ZNF638: variants seen among roughly 807,000 people sequenced by gnomAD.
ZNF638 encodes zinc finger protein 638, also known as CTCL tumor antigen se33-1.
A neutral mutation model predicts 195.6 loss-of-function variants in ZNF638; 46 were observed. The observed-to-expected ratio is 0.24, with a 90% confidence interval of 0.19 to 0.30. The LOEUF is 0.30. Among genes scored for constraint, ZNF638 ranks in the 10% least tolerant of loss-of-function variants. ZNF638 has a pLI of 1.00. For missense variants in ZNF638, 2,440 were observed against 2,325.3 expected, an observed-to-expected ratio of 1.05 and a Z score of -1.01; for synonymous variants, 845 against 772.0, an observed-to-expected ratio of 1.09 and a Z score of -1.57.
intron 8 of ZNF638, 67 bp downstream of exon 8, chr2:71,370,072 T>C: frequency 6.6e-7 from 1 of 1,511,474 alleles, no homozygotes; most frequent in Non-Finnish European, 9.0e-7. Flanking sequence ...TGTTTAAGTA[T>C]GGCACACATA....
chr2:71,356,294 G>T (rs1178557283), intron 3 of ZNF638, among the ~76,000 whole-genome samples: 1 of 152,122 alleles, frequency 6.6e-6, no homozygotes, highest in Non-Finnish European at 1.5e-5. Flanking sequence ...TAAAGACAGG[G>T]CACCTGTGAA....
intron 3 of ZNF638, 128 bp from the exon 4 acceptor site, chr2:71,363,025 A>T: frequency 1.3e-6 from 1 of 743,366 alleles, no homozygotes. Flanking sequence ...TTATTGAATT[A>T]AACTCTCAAA....
At chr2:71,384,619 G>A (rs1281561235) in intron 10 of ZNF638, among the ~76,000 whole-genome samples, 1 of 152,162 alleles carries the variant, frequency 6.6e-6, no homozygotes, top group Admixed American at 6.5e-5. Context: ...TTCTTTTGGG[G>A]AGAGTTGGAG....
rs1211906724 is a variant in ZNF638, at chr2:71,423,311, A to G, written c.3797A>G (p.Glu1266Gly). ...ATGGTAGAAGCTGTAGCTGAAGTAG[A>G]AAAAAATGAAACTGTTTCGGAAATA... ...QTMVEAVAEVEKNETVSEILP... is the reference protein window; with the variant it reads ...QTMVEAVAEVGKNETVSEILP... The change falls in exon 22 of 28, where the codon GAA becomes GGA. Residue 1266 changes from glutamate (E) to glycine (G), a missense_variant. By Grantham distance (98) the Glu-to-Gly change is moderately conservative. Transcript: ENST00000264447. 6.2e-7 allele frequency: 1 copy of G among 1,613,902 alleles called. No homozygotes were observed. The highest frequency in any genetic ancestry group is 8.5e-7 in the Non-Finnish European group (1 of 1,179,966).
intron 1 of ZNF638, among the ~76,000 whole-genome samples, chr2:71,332,605 T>C (rs2078592258): frequency 6.6e-6 from 1 of 152,200 alleles, no homozygotes. Context: ...AACAGAACGT[T>C]AGTGAATTGT....
At chr2:71,405,797 A>G (rs2080094253) in intron 18 of ZNF638, among the ~76,000 whole-genome samples, 155 bp downstream of exon 18, 2 of 152,224 alleles carry the variant, frequency 1.3e-5, no homozygotes, top group Non-Finnish European at 2.9e-5. Context: ...CAATAAAAAA[A>G]TAAAGGTTTC....
In ZNF638 at chr2:71,419,962, AC is replaced by A. The variant is rs11374629; in HGVS notation, c.3299+1332del. On this transcript the variant is annotated intron_variant, in intron 21 of 27. Coordinates refer to ENST00000264447, the MANE Select transcript of ZNF638 (RefSeq NM_014497.5). ...TAGCACCAAAAACTTCTTAATTCCC[AC>A]CCCCCCCCGCCTTTTTTTTTTTTTT... Among the ~76,000 whole-genome samples, 31 of 28,514 alleles carry A rather than the reference AC, an allele frequency of 1.1e-3. 3 individuals carry two copies. Among genetic ancestry groups the A allele is most frequent in the African/African-American group, 1.7e-3 (12 of 7,118 alleles). The allele number at this position is 28,514 out of a possible 152,430, so 18.7% of individuals were successfully genotyped here.
At chr2:71,432,102 G>T (rs890966672) in intron 26 of ZNF638, among the ~76,000 whole-genome samples, 3 of 152,202 alleles carry the variant, frequency 2.0e-5, no homozygotes, top group Non-Finnish European at 4.4e-5. Context: ...TGAGCTGAGG[G>T]AGACCTTATT....
At chr2:71,422,251 T>C (rs915041866) in intron 21 of ZNF638, among the ~76,000 whole-genome samples, 5 of 152,088 alleles carry the variant, frequency 3.3e-5, no homozygotes, top group Non-Finnish European at 7.4e-5. Context: ...CTAAGTATTA[T>C]CATTAATAAA....
At chr2:71,428,861 G>C (rs773440118) in intron 25 of ZNF638, 4 of 394,316 alleles carry the variant, frequency 1.0e-5, no homozygotes, top group Non-Finnish European at 1.8e-5. Flanking sequence ...ACAGATTAGA[G>C]GAAATGATCC....
intron 1 of ZNF638, chr2:71,334,391 A>G (rs1306994112): frequency 1.3e-5 from 2 of 152,216 alleles, no homozygotes; most frequent in Admixed American, 6.5e-5. Context: ...GCTGCCATGT[A>G]GTGGTTTTAG....
At position 71,404,014 on chromosome 2, in the gene ZNF638, AT is replaced by A. The variant is rs766270836; in HGVS notation, c.2958+21del. The stretch of plus-strand genomic sequence containing the variant: ...AAAAGATGAGGTAAATCAGACCACC[AT>A]TTTTACTAGCTCTTACTAAGTTTTT... On this transcript the variant is annotated intron_variant, in intron 17 of 27. Coordinates refer to ENST00000264447, the MANE Select transcript of ZNF638 (RefSeq NM_014497.5). 8.8e-6 allele frequency: 14 copies of A among 1,593,998 alleles called. No homozygotes were observed. The East Asian group carries it at 1.1e-4, about 13-fold the overall frequency.
intron 23 of ZNF638, among the ~76,000 whole-genome samples, chr2:71,425,428 A>T (rs999881705): frequency 6.6e-6 from 1 of 152,148 alleles, no homozygotes; most frequent in Non-Finnish European, 1.5e-5. Context: ...TCGCTTGTAG[A>T]TATTCTCCCT....
At chr2:71,411,307 T>C (rs926690597) in intron 20 of ZNF638, among the ~76,000 whole-genome samples, 1 of 151,408 alleles carries the variant, frequency 6.6e-6, no homozygotes, top group African/African-American at 2.4e-5. Context: ...CCCAGGGAAG[T>C]TTTTCTATTA....
intron 23 of ZNF638, among the ~76,000 whole-genome samples, 185 bp from the exon 24 acceptor site, chr2:71,426,275 T>C (rs1030314031): frequency 2.6e-5 from 4 of 152,242 alleles, no homozygotes; most frequent in African/African-American, 9.6e-5. Flanking sequence ...GATTATACTT[T>C]GTGAATTATA....
rs770588392 is a variant in ZNF638 at position 71,349,482 on chromosome 2, T to C, written c.528T>C (p.Asp176=). The C allele has an allele frequency of 2.4e-5, 39 of 1,614,002 alleles. No individual in the cohort carries two copies. Among genetic ancestry groups the C allele is most frequent in the Non-Finnish European group, 3.2e-5 (38 of 1,180,028 alleles). The change falls in exon 2 of 28, where the codon GAT becomes GAC. Residue 176 remains aspartate (D), a synonymous_variant. Transcript: ENST00000264447. ...TPENMPLILR[D]IRMRKMGRRL... ...AAAATATGCCATTAATTTTGAGGGA[T>C]ATAAGAATGCGAAAAATGGGGCGCC...
At chr2:71,434,633 A>G in intron 27 of ZNF638, 109 bp from the exon 28 acceptor site, 2 of 896,610 alleles carry the variant, frequency 2.2e-6, no homozygotes, top group Non-Finnish European at 3.4e-6. Flanking sequence ...TGTTTATAAT[A>G]TTTTGTAGGA....
At chr2:71,396,225 G>A in intron 11 of ZNF638, 34 bp downstream of exon 11, 1 of 1,567,716 alleles carries the variant, frequency 6.4e-7, no homozygotes, top group Non-Finnish European at 8.7e-7. Context: ...TAGACTATTA[G>A]TTAAAACTTT....
At chr2:71,351,414 A>G (rs1429063949) in intron 2 of ZNF638, among the ~76,000 whole-genome samples, 1 of 152,340 alleles carries the variant, frequency 6.6e-6, no homozygotes, top group Non-Finnish European at 1.5e-5. Context: ...GCCTTATTCC[A>G]TCAGAAGGGA....
Sources: gnomAD v4.1 joint callset for allele counts (sites outside exome capture counted in the v4.1 genomes callset) on GRCh38, gnomAD v4.1.1 for gene constraint, MANE v1.5 for transcripts, NCBI Gene and HGNC (gene_info 2026-07-23, HGNC 2026-07-21) for gene names.